The following CDKL3 variants were observed in gnomAD, a reference collection of about 807,000 sequenced individuals.
The protein encoded by CDKL3 is cyclin dependent kinase like 3, also known as cyclin-dependent kinase-like 3.
In CDKL3, 65 loss-of-function variants were observed where a neutral mutation model predicts 69.3. That is an observed-to-expected ratio of 0.94 (90% confidence interval 0.77 to 1.15). The LOEUF (loss-of-function observed/expected upper bound fraction) is 1.15. Ranked by LOEUF, CDKL3 falls within the 50% of genes most tolerant of loss-of-function variation. CDKL3 has a pLI of 0.00. For synonymous variants in CDKL3, 202 were observed against 221.6 expected (o/e 0.91, Z 0.79); for missense variants, 652 against 689.2 (o/e 0.95, Z 0.61).
intron 3 of CDKL3, among the ~76,000 whole-genome samples, chr5:134,355,698 G>A (rs954369118): frequency 1.3e-5 from 2 of 151,966 alleles, no homozygotes; most frequent in South Asian, 2.1e-4. Flanking sequence ...ATATACACAC[G>A]TGTATACATA....
rs1182640170 is a variant in CDKL3 at position 134,323,307 on chromosome 5, C to T, written c.540-1404G>A. On this transcript the variant is annotated intron_variant, in intron 4 of 12. Transcript: ENST00000265334. ...ATATACCTCAAAACATCATGCTGTA[C>T]ACAATAAATACATACAATTTAATCT... is the stretch of plus-strand genomic sequence containing the variant. Among the ~76,000 whole-genome samples, 4 of 152,232 alleles carry T rather than the reference C, an allele frequency of 2.6e-5. No individual in the cohort carries two copies. The East Asian group carries it at 5.8e-4, about 22-fold the overall frequency.
At chr5:134,352,869 T>C (rs910653124) in intron 3 of CDKL3, among the ~76,000 whole-genome samples, 1 of 152,216 alleles carries the variant, frequency 6.6e-6, no homozygotes, top group Admixed American at 6.5e-5. Context: ...TCTCTAATTC[T>C]GTGGGTTCTC....
At chr5:134,305,503 C>A (rs1561508148) in intron 10 of CDKL3, among the ~76,000 whole-genome samples, 1 of 152,188 alleles carries the variant, frequency 6.6e-6, no homozygotes, top group South Asian at 2.1e-4. Context: ...TTAATAACTT[C>A]TTTATCTACC....
At chr5:134,341,877 C>T (rs1394085364) in intron 4 of CDKL3, among the ~76,000 whole-genome samples, 2 of 152,246 alleles carry the variant, frequency 1.3e-5, no homozygotes, top group Non-Finnish European at 2.9e-5. Flanking sequence ...TCGAACCAAT[C>T]TGTGGGCCCT....
At chr5:134,365,248 G>T (rs1173704551) in intron 2 of CDKL3, among the ~76,000 whole-genome samples, 1 of 151,962 alleles carries the variant, frequency 6.6e-6, no homozygotes, top group Non-Finnish European at 1.5e-5. Context: ...CTCCCAAAGC[G>T]CTGGGAGCGT....
chr5:134,346,396 A>G (rs747528090), intron 4 of CDKL3, among the ~76,000 whole-genome samples: 2 of 152,210 alleles, frequency 1.3e-5, no homozygotes, highest in Non-Finnish European at 2.9e-5. Context: ...CTTCCATGTC[A>G]CATTGAACTT....
At chr5:134,328,561 T>C (rs1446605829) in intron 4 of CDKL3, among the ~76,000 whole-genome samples, 1 of 152,026 alleles carries the variant, frequency 6.6e-6, no homozygotes, top group Admixed American at 6.6e-5. Flanking sequence ...CACCAAAATA[T>C]GTATACTAGG....
At chr5:134,301,674 G>A (rs1210063063) in intron 12 of CDKL3, among the ~76,000 whole-genome samples, 1 of 152,098 alleles carries the variant, frequency 6.6e-6, no homozygotes, top group Admixed American at 6.6e-5. Flanking sequence ...GAGGTCAGGA[G>A]ATCGAGACCA....
intron 3 of CDKL3, among the ~76,000 whole-genome samples, chr5:134,350,814 T>TA (rs1486575060): frequency 1.3e-5 from 1 of 76,622 alleles, no homozygotes; most frequent in African/African-American, 5.2e-5. Flanking sequence ...ACCCTGTCTC[T>TA]AAAAAAAGAA....
intron 4 of CDKL3, among the ~76,000 whole-genome samples, chr5:134,326,407 C>T (rs1774205319): frequency 6.6e-6 from 1 of 152,066 alleles, no homozygotes; most frequent in Non-Finnish European, 1.5e-5. Flanking sequence ...TCAACCACAA[C>T]ATTTTGCAGA....
chr5:134,298,378 T>A, downstream of CDKL3: 2 of 1,205,654 alleles, frequency 1.7e-6, no homozygotes, highest in Non-Finnish European at 2.1e-6. Context: ...TTGTATCATG[T>A]CACGGCTTGT....
At chr5:134,338,313 T>G (rs544349307) in intron 4 of CDKL3, among the ~76,000 whole-genome samples, 2 of 152,070 alleles carry the variant, frequency 1.3e-5, no homozygotes, top group African/African-American at 4.8e-5. Context: ...TAAACTAGTA[T>G]AAATAGGAAC....
At chr5:134,318,523 T>C (rs1379909340) in intron 6 of CDKL3, among the ~76,000 whole-genome samples, 1 of 152,146 alleles carries the variant, frequency 6.6e-6, no homozygotes, top group Non-Finnish European at 1.5e-5. Flanking sequence ...CCTCTCTCTG[T>C]CACCCACGCT....
At chr5:134,330,916 C>T (rs538452779) in intron 4 of CDKL3, among the ~76,000 whole-genome samples, 28 of 152,302 alleles carry the variant, frequency 1.8e-4, no homozygotes, top group African/African-American at 5.8e-4. Flanking sequence ...GCCAGTGCTT[C>T]GTCTTCAGGA....
intron 6 of CDKL3, among the ~76,000 whole-genome samples, chr5:134,315,195 T>C (rs749310601): frequency 4.6e-5 from 7 of 152,070 alleles, no homozygotes; most frequent in Non-Finnish European, 7.3e-5. Flanking sequence ...TTCCAAATCA[T>C]TGGATGATAC....
intron 7 of CDKL3, among the ~76,000 whole-genome samples, chr5:134,310,860 C>T (rs1015351767): frequency 6.6e-6 from 1 of 152,182 alleles, no homozygotes; most frequent in Non-Finnish European, 1.5e-5. Flanking sequence ...GTTCTAGTCA[C>T]CCTCAAGGAT....
At position 134,298,622 on chromosome 5, in the gene CDKL3, A is replaced by G. The variant is rs778535249; in HGVS notation, c.*29T>C. 2 of 1,602,534 alleles carry G rather than the reference A, an allele frequency of 1.2e-6. No individual in the cohort carries two copies. The highest frequency in any genetic ancestry group is 4.5e-5 in the East Asian group (2 of 44,804). ...AAAACGGGAAGAGTTGTCATCTTGTATTTTTTGGACTATGTAAAAGAAAAG... is the reference window on the plus strand; with the variant it reads ...AAAACGGGAAGAGTTGTCATCTTGTGTTTTTTGGACTATGTAAAAGAAAAG... On this transcript the variant is annotated 3_prime_UTR_variant, in exon 13 of 13. Transcript: ENST00000265334.
chr5:134,305,184 C>T (rs1037315151), intron 10 of CDKL3, among the ~76,000 whole-genome samples: 8 of 152,084 alleles, frequency 5.3e-5, no homozygotes, highest in Non-Finnish European at 5.9e-5. Context: ...GGCGCCATTA[C>T]GGCTGCAGCC....
At chr5:134,360,677 T>G (rs984784531) in intron 2 of CDKL3, among the ~76,000 whole-genome samples, 16 of 152,358 alleles carry the variant, frequency 1.1e-4, no homozygotes, top group African/African-American at 3.6e-4. Flanking sequence ...TATAACTTAG[T>G]ATTCTGTTGA....
Sources: gnomAD v4.1 joint callset for allele counts (sites outside exome capture counted in the v4.1 genomes callset) on GRCh38, gnomAD v4.1.1 for gene constraint, MANE v1.5 for transcripts, NCBI Gene and HGNC (gene_info 2026-07-23, HGNC 2026-07-21) for gene names.